Variants in CHLSN observed in about 807,000 individuals in gnomAD.
CHLSN encodes cholesin.
chr7:1,053,617 C>T, the CHLSN span, among the ~76,000 whole-genome samples: 22 of 152,196 alleles, frequency 1.4e-4, no homozygotes, highest in African/African-American at 4.8e-4. Context: ...CACCTGAGGT[C>T]GGGAGTTCGA....
At chr7:987,547 C>T in the CHLSN span, 1 of 1,504,334 alleles carries the variant, frequency 6.6e-7, no homozygotes, top group Non-Finnish European at 8.9e-7. Context: ...GCTGGGCCTC[C>T]CTTGCCCCTT....
chr7:1,016,706 CG>C, the CHLSN span, among the ~76,000 whole-genome samples: 1 of 84,932 alleles, frequency 1.2e-5, no homozygotes, highest in Non-Finnish European at 2.4e-5. Context: ...TGCCAGCACA[CG>C]CCAGCGCACA....
the CHLSN span, among the ~76,000 whole-genome samples, chr7:1,134,091 C>G: frequency 1.3e-5 from 2 of 152,096 alleles, no homozygotes; most frequent in Admixed American, 1.3e-4. Flanking sequence ...GCCACCACAC[C>G]TGGCCCCAAA....
At chr7:1,033,533 T>C in the CHLSN span, among the ~76,000 whole-genome samples, 1 of 150,680 alleles carries the variant, frequency 6.6e-6, no homozygotes, top group Non-Finnish European at 1.5e-5. Context: ...CACTCCAGCC[T>C]GGGCAATAAG....
the CHLSN span, chr7:1,092,985 C>A: frequency 1.1e-6 from 1 of 883,808 alleles, no homozygotes; most frequent in Non-Finnish European, 1.9e-6. Context: ...CTCGGGGCCT[C>A]GCGAGGGTCA....
At chr7:1,016,723 A>ACACAGCAGCACACGCCAGCG in the CHLSN span, among the ~76,000 whole-genome samples, 17 of 83,234 alleles carry the variant, frequency 2.0e-4, no homozygotes, top group Admixed American at 2.3e-4. Flanking sequence ...GCACAGCAGC[A>ACACAGCAGCACACGCCAGCG]CACAGCAGCA....
chr7:994,975 A>G, the CHLSN span, among the ~76,000 whole-genome samples: 2 of 152,190 alleles, frequency 1.3e-5, no homozygotes, highest in Admixed American at 1.3e-4. Context: ...CCCTCTCCAC[A>G]GTGAGGAGCA....
At chr7:998,727 T>C in the CHLSN span, among the ~76,000 whole-genome samples, 1 of 152,188 alleles carries the variant, frequency 6.6e-6, no homozygotes, top group African/African-American at 2.4e-5. Context: ...ATTACAGGCG[T>C]GAGCCACCAC....
the CHLSN span, chr7:1,138,241 G>C: frequency 6.6e-6 from 1 of 152,236 alleles, no homozygotes; most frequent in African/African-American, 2.4e-5. Context: ...GCTGCGTCGC[G>C]GACGCCGCCT....
chr7:1,109,073 T>C, the CHLSN span, among the ~76,000 whole-genome samples: 2 of 152,032 alleles, frequency 1.3e-5, no homozygotes. Flanking sequence ...ATTTTTCTAT[T>C]TTTTGTAGAG....
chr7:1,025,006 G>A, the CHLSN span: 5 of 152,312 alleles, frequency 3.3e-5, no homozygotes, highest in Admixed American at 2.6e-4. Context: ...GGTGTCACAA[G>A]GGAAGGCGTG....
the CHLSN span, among the ~76,000 whole-genome samples, chr7:1,079,589 A>C: frequency 1.3e-5 from 2 of 152,356 alleles, no homozygotes; most frequent in Non-Finnish European, 2.9e-5. Flanking sequence ...CAGCGTGCTG[A>C]GGGAATCTGC....
chr7:1,057,478 C>G, the CHLSN span: 6 of 726,864 alleles, frequency 8.3e-6, no homozygotes, highest in Admixed American at 1.1e-4. Context: ...ACCACCTGTT[C>G]CTTCTTTCCG....
the CHLSN span, among the ~76,000 whole-genome samples, chr7:995,814 G>A: frequency 6.6e-6 from 1 of 152,284 alleles, no homozygotes. Context: ...CCCTGGGCCA[G>A]TGGGGTGCAC....
the CHLSN span, among the ~76,000 whole-genome samples, chr7:1,070,730 G>C: frequency 6.9e-6 from 1 of 144,280 alleles, no homozygotes; most frequent in African/African-American, 2.6e-5. Context: ...GCGCACACAT[G>C]CACGCACATA....
the CHLSN span, chr7:987,559 C>T: frequency 1.3e-6 from 2 of 1,495,428 alleles, no homozygotes; most frequent in Non-Finnish European, 1.8e-6. Flanking sequence ...TTGCCCCTTC[C>T]ATCTCCTCTG....
the CHLSN span, chr7:987,261 C>G: frequency 6.6e-7 from 1 of 1,508,002 alleles, no homozygotes; most frequent in East Asian, 2.5e-5. Flanking sequence ...ACCCCGGCGC[C>G]TGGCGAGACG....
the CHLSN span, among the ~76,000 whole-genome samples, chr7:1,135,924 T>C: frequency 3.7e-4 from 46 of 123,624 alleles, no homozygotes; most frequent in South Asian, 9.2e-3. Flanking sequence ...TATATAAGTA[T>C]ATATAAATAT....
the CHLSN span, among the ~76,000 whole-genome samples, chr7:1,002,222 C>T: frequency 5.4e-3 from 142 of 26,370 alleles, no homozygotes; most frequent in Middle Eastern, 0.045. Context: ...TGGAGTCCTG[C>T]GGGTGAGTGG....
Sources: gnomAD v4.1 joint callset for allele counts (sites outside exome capture counted in the v4.1 genomes callset) on GRCh38, gnomAD v4.1.1 for gene constraint, MANE v1.5 for transcripts, NCBI Gene and HGNC (gene_info 2026-07-23, HGNC 2026-07-21) for gene names.